FBXL18: variants seen among roughly 807,000 people sequenced by gnomAD.
The protein encoded by FBXL18 is F-box and leucine rich repeat protein 18, also known as F-box/LRR-repeat protein 18.
FBXL18 carries 36 observed loss-of-function variants against 46.0 expected under a neutral mutation model. The ratio of observed to expected loss-of-function variants is 0.78; its 90% CI spans 0.60 to 1.03. The LOEUF (loss-of-function observed/expected upper bound fraction) is 1.03. FBXL18 is among the 50% of genes least tolerant of loss of function. The probability of loss-of-function intolerance (pLI) is 0.00; values close to 1 mark genes in which losing one functional copy is unlikely to be tolerated. For synonymous variants in FBXL18, 557 were observed against 465.3 expected (o/e 1.20, Z -2.54); for missense variants, 977 against 1,004.1 (o/e 0.97, Z 0.36).
intron 4 of FBXL18, among the ~76,000 whole-genome samples, chr7:5,467,316 A>T (rs944216540): frequency 2.0e-5 from 3 of 152,050 alleles, no homozygotes; most frequent in Non-Finnish European, 4.4e-5. Context: ...GCGCCACTGC[A>T]CTCCAGCCTG....
Position 5,501,750 on chromosome 7 carries a change from C to T in FBXL18, c.519G>A (p.Val173=). 1 of 1,560,234 alleles carries T rather than the reference C, an allele frequency of 6.4e-7. No individual in the cohort carries two copies. The highest frequency in any genetic ancestry group is 8.7e-7 in the Non-Finnish European group (1 of 1,151,640). ...TGAACAGCGTCTGCTTGAGCTCCCG[C>T]ACGCGGCTCAGGGTGGCCTTGCACT... ...SSECKATLSR[V]RELKQTLFTP... is the part of the protein sequence containing the mutation. The change falls in exon 3 of 5, where the codon GTG becomes GTA. Residue 173 remains valine, a synonymous_variant. Coordinates refer to ENST00000382368, the MANE Select transcript of FBXL18 (RefSeq NM_024963.6).
In FBXL18 at chr7:5,470,665, G is replaced by A. The variant is rs1474763370; in HGVS notation, c.2000+20566C>T. 4.0e-5 allele frequency among the ~76,000 whole-genome samples: 6 copies of A among 151,688 alleles called. 1 individual carries two copies. Among genetic ancestry groups the A allele is most frequent in the Admixed American group, 3.3e-4 (5 of 15,246 alleles). On this transcript the variant is annotated intron_variant and NMD_transcript_variant, in intron 4 of 6. Transcript: ENST00000415009. ...AGGCCCCTTCCGCAGAGGCTTCTCC[G>A]ACCCCCGGCCCAGAGGCTGCCCCCT...
At chr7:5,457,288 C>G (rs1324305254) in intron 4 of FBXL18, among the ~76,000 whole-genome samples, 1 of 152,210 alleles carries the variant, frequency 6.6e-6, no homozygotes, top group Non-Finnish European at 1.5e-5. Flanking sequence ...TCAAGGTGCT[C>G]TCATTCCCCT....
chr7:5,467,244 G>C (rs919942400), intron 4 of FBXL18, among the ~76,000 whole-genome samples: 59 of 152,260 alleles, frequency 3.9e-4, no homozygotes, highest in African/African-American at 1.4e-3. Flanking sequence ...CCAGCTGCTC[G>C]GGAGGCTGAG....
intron 4 of FBXL18, among the ~76,000 whole-genome samples, chr7:5,487,507 G>A (rs781205243): frequency 1.6e-4 from 24 of 152,196 alleles, no homozygotes; most frequent in Admixed American, 6.5e-4. Flanking sequence ...GGATGGCCCT[G>A]CACAGTCCCC....
chr7:5,457,188 ACT>A (rs1475008272), intron 4 of FBXL18, among the ~76,000 whole-genome samples: 1 of 151,880 alleles, frequency 6.6e-6, no homozygotes, highest in East Asian at 1.9e-4. Flanking sequence ...GATTGGGGGG[ACT>A]CTGTGAGCAC....
chr7:5,498,375 G>T (rs577254947), intron 3 of FBXL18, among the ~76,000 whole-genome samples: 1 of 151,334 alleles, frequency 6.6e-6, no homozygotes, highest in African/African-American at 2.4e-5. Flanking sequence ...CGTGAGCCAC[G>T]GCGCCCGGCC....
chr7:5,492,470 TG>T (rs1783954073), intron 3 of FBXL18, among the ~76,000 whole-genome samples: 2 of 145,116 alleles, frequency 1.4e-5, no homozygotes, highest in Admixed American at 1.4e-4. Context: ...ACTCCCGGGG[TG>T]GGGGGAGGAG....
intron 4 of FBXL18, among the ~76,000 whole-genome samples, chr7:5,468,399 GAGCCACCACGCCC>G: frequency 6.6e-6 from 1 of 152,256 alleles, no homozygotes; most frequent in Non-Finnish European, 1.5e-5. Flanking sequence ...TTACAGGCGT[GAGCCACCACGCCC>G]AGCCACCTCA....
intron 4 of FBXL18, among the ~76,000 whole-genome samples, chr7:5,457,009 C>A (rs1296852639): frequency 6.6e-6 from 1 of 152,208 alleles, no homozygotes; most frequent in Non-Finnish European, 1.5e-5. Context: ...AGTGATCCAC[C>A]TGCCTTGGCA....
At chr7:5,457,513 T>C (rs1343213606) in intron 4 of FBXL18, among the ~76,000 whole-genome samples, 2 of 152,178 alleles carry the variant, frequency 1.3e-5, no homozygotes, top group Non-Finnish European at 2.9e-5. Context: ...ACCAAACACA[T>C]CCTGCAACAG....
intron 4 of FBXL18, among the ~76,000 whole-genome samples, chr7:5,466,433 G>C (rs1034444304): frequency 1.3e-5 from 2 of 152,124 alleles, no homozygotes; most frequent in African/African-American, 4.8e-5. Context: ...TGGCTGGAGG[G>C]AGGACCTCAC....
At position 5,501,101 on chromosome 7, in the gene FBXL18, G is replaced by A; in HGVS notation, c.1168C>T (p.Leu390Phe). The part of the protein sequence containing the change: ...ASCCNLRHLN[L>F]SAAHHHSSEG... ...GAGCTGTGGTGGTGGGCGGCCGAGA[G>A]GTTCAGGTGGCGCAGGTTGCAGCAG... The change falls in exon 3 of 5, where the codon CTC (leucine) becomes TTC (phenylalanine). Residue 390 changes from leucine (L) to phenylalanine (F), a missense_variant. By Grantham distance (22) the Leu-to-Phe change is conservative (BLOSUM62 0). Coordinates refer to ENST00000382368, the MANE Select transcript of FBXL18 (RefSeq NM_024963.6). 1.2e-6 allele frequency: 2 copies of A among 1,612,782 alleles called. No homozygotes were observed. The highest frequency in any genetic ancestry group is 1.7e-6 in the Non-Finnish European group (2 of 1,179,794).
chr7:5,474,309 C>G (rs75529877), downstream of FBXL18, among the ~76,000 whole-genome samples: 3 of 117,582 alleles, frequency 2.6e-5, no homozygotes, highest in Admixed American at 1.6e-4. Context: ...CTGTGCAGTT[C>G]GTTTTTTTTT....
chr7:5,465,494 T>G (rs762369589), intron 4 of FBXL18, among the ~76,000 whole-genome samples: 4 of 152,108 alleles, frequency 2.6e-5, no homozygotes, highest in Non-Finnish European at 5.9e-5. Context: ...ATTGATTGAT[T>G]GAGACAGTCT....
At chr7:5,466,991 C>T (rs997460951) in intron 4 of FBXL18, among the ~76,000 whole-genome samples, 1 of 152,122 alleles carries the variant, frequency 6.6e-6, no homozygotes, top group African/African-American at 2.4e-5. Flanking sequence ...CCGAGGCAGG[C>T]GGATCACCTG....
intron 4 of FBXL18, among the ~76,000 whole-genome samples, chr7:5,470,354 C>A (rs1783407777): frequency 1.3e-5 from 2 of 152,120 alleles, no homozygotes; most frequent in South Asian, 4.1e-4. Flanking sequence ...CACCCCTCCA[C>A]CCTGCCCCCA....
Position 5,481,744 on chromosome 7 carries a change from G to T in FBXL18, c.*31C>A. 6.2e-7 allele frequency: 1 copy of T among 1,611,426 alleles called. No homozygotes were observed. The highest frequency in any genetic ancestry group is 8.5e-7 in the Non-Finnish European group (1 of 1,179,144). On this transcript the variant is annotated 3_prime_UTR_variant, in exon 5 of 5. Transcript: ENST00000382368. ...CCAGGCTCCTGCAGCTTCTCGAGGT[G>T]ACTGAGACCGATGGGCGGCGGCTCC...
chr7:5,462,286 C>G (rs1465598642), intron 4 of FBXL18, among the ~76,000 whole-genome samples: 1 of 152,132 alleles, frequency 6.6e-6, no homozygotes, highest in African/African-American at 2.4e-5. Context: ...GTGGGCCCAT[C>G]CATCATTATC....
Sources: allele counts gnomAD v4.1 joint callset (sites outside exome capture counted in the v4.1 genomes callset), GRCh38; gene constraint gnomAD v4.1.1; transcripts MANE v1.5; gene names NCBI Gene and HGNC (gene_info 2026-07-23, HGNC 2026-07-21).